PPARGC1A: variants seen among roughly 807,000 people sequenced by gnomAD.
PPARGC1A encodes peroxisome proliferator-activated receptor gamma coactivator 1-alpha.
A neutral mutation model predicts 88.7 loss-of-function variants in PPARGC1A; 25 were observed. The observed-to-expected ratio is 0.28, with a 90% CI of 0.21 to 0.39. The LOEUF (loss-of-function observed/expected upper bound fraction) is 0.39, where lower values mean the gene tolerates loss of function less well. PPARGC1A is among the 10% of genes least tolerant of loss of function. The pLI is 1.00. For missense variants in PPARGC1A, 880 were observed against 968.7 expected, an observed-to-expected ratio of 0.91 and a Z score of 1.22; for synonymous variants, 363 against 355.6, an observed-to-expected ratio of 1.02 and a Z score of -0.24.
At chr4:24,322,712 T>C in the PPARGC1A span, among the ~76,000 whole-genome samples, 1 of 152,186 alleles carries the variant, frequency 6.6e-6, no homozygotes, top group Admixed American at 6.5e-5. Context: ...GGTGGGAGTG[T>C]TTCTACCTCA....
the PPARGC1A span, among the ~76,000 whole-genome samples, chr4:24,222,825 C>A: frequency 6.6e-6 from 1 of 152,144 alleles, no homozygotes; most frequent in Non-Finnish European, 1.5e-5. Flanking sequence ...ACTACTTTGT[C>A]AATAATAACA....
chr4:24,154,360 T>C, the PPARGC1A span, among the ~76,000 whole-genome samples: 1 of 152,154 alleles, frequency 6.6e-6, no homozygotes. Context: ...AAGCACATGC[T>C]CAAAACATGT....
At chr4:24,063,615 G>A in the PPARGC1A span, among the ~76,000 whole-genome samples, 2 of 152,166 alleles carry the variant, frequency 1.3e-5, no homozygotes, top group Non-Finnish European at 2.9e-5. Context: ...CGGGGTGAAG[G>A]ATGCAGCAGA....
chr4:23,918,210 TTTAAA>T, the PPARGC1A span, among the ~76,000 whole-genome samples: 2 of 149,508 alleles, frequency 1.3e-5, no homozygotes, highest in African/African-American at 5.0e-5. Context: ...ACAAAAATAA[TTTAAA>T]TTCTTTTTTT....
intron 12 of PPARGC1A, among the ~76,000 whole-genome samples, chr4:23,797,142 AG>A (rs1214973622): frequency 6.6e-6 from 1 of 152,028 alleles, no homozygotes; most frequent in Non-Finnish European, 1.5e-5. Context: ...TTTTTCAGCA[AG>A]TTTTTTAAGG....
At chr4:24,042,752 T>C in the PPARGC1A span, among the ~76,000 whole-genome samples, 3 of 152,218 alleles carry the variant, frequency 2.0e-5, no homozygotes, top group African/African-American at 7.2e-5. Flanking sequence ...TGATATAGTG[T>C]ATATAAATGC....
the PPARGC1A span, among the ~76,000 whole-genome samples, chr4:24,309,642 C>T: frequency 2.5e-3 from 377 of 152,278 alleles, 2 homozygotes; most frequent in African/African-American, 8.7e-3. Flanking sequence ...AGTGCAGTGG[C>T]ATGATCATAG....
chr4:23,797,108 A>G (rs1717746018), intron 12 of PPARGC1A, among the ~76,000 whole-genome samples: 1 of 152,076 alleles, frequency 6.6e-6, no homozygotes, highest in Non-Finnish European at 1.5e-5. Context: ...TTTCATTCTG[A>G]TCACCTTTGG....
the PPARGC1A span, among the ~76,000 whole-genome samples, chr4:24,161,067 C>T: frequency 6.6e-6 from 1 of 152,162 alleles, no homozygotes; most frequent in African/African-American, 2.4e-5. Flanking sequence ...GGCAAAAGGC[C>T]AGAGCTACCC....
the PPARGC1A span, among the ~76,000 whole-genome samples, chr4:24,050,910 G>A: frequency 3.9e-5 from 6 of 151,980 alleles, no homozygotes; most frequent in Admixed American, 2.0e-4. Flanking sequence ...GGTCTGGGCC[G>A]GGCGCAGTGG....
chr4:24,123,703 G>A, the PPARGC1A span, among the ~76,000 whole-genome samples: 4 of 152,114 alleles, frequency 2.6e-5, no homozygotes, highest in South Asian at 8.3e-4. Flanking sequence ...TTTTTAGCCT[G>A]TGAAAGATTT....
At chr4:23,973,352 GCT>G in the PPARGC1A span, among the ~76,000 whole-genome samples, 1 of 152,110 alleles carries the variant, frequency 6.6e-6, no homozygotes, top group Non-Finnish European at 1.5e-5. Context: ...CTTTGATTGT[GCT>G]GGTTAAAAAG....
chr4:24,105,425 C>A, the PPARGC1A span, among the ~76,000 whole-genome samples: 1 of 152,042 alleles, frequency 6.6e-6, no homozygotes, highest in African/African-American at 2.4e-5. Flanking sequence ...GATAAAAGGG[C>A]CTGAGGACGT....
At chr4:23,856,418 C>CAG (rs1276764314) in intron 2 of PPARGC1A, among the ~76,000 whole-genome samples, 1 of 152,192 alleles carries the variant, frequency 6.6e-6, no homozygotes, top group Non-Finnish European at 1.5e-5. Context: ...TCAGCCCCAT[C>CAG]AGAGAGAGGC....
the PPARGC1A span, among the ~76,000 whole-genome samples, chr4:24,383,969 C>T: frequency 3.3e-5 from 5 of 152,074 alleles, no homozygotes; most frequent in Non-Finnish European, 5.9e-5. Context: ...TTAAGGGCAG[C>T]CAGAGGAAAA....
At chr4:24,153,507 G>A in the PPARGC1A span, among the ~76,000 whole-genome samples, 1 of 152,142 alleles carries the variant, frequency 6.6e-6, no homozygotes, top group East Asian at 1.9e-4. Context: ...GCAGACATGT[G>A]TACACTGGGC....
At chr4:24,203,620 A>G in the PPARGC1A span, among the ~76,000 whole-genome samples, 1 of 152,276 alleles carries the variant, frequency 6.6e-6, no homozygotes, top group Admixed American at 6.5e-5. Context: ...TTATGAGTTC[A>G]TCTTTCAAAT....
the PPARGC1A span, among the ~76,000 whole-genome samples, chr4:24,008,536 A>G: frequency 6.6e-6 from 1 of 152,178 alleles, no homozygotes; most frequent in African/African-American, 2.4e-5. Flanking sequence ...ACTTCAATCC[A>G]TGGTTTATTA....
At chr4:24,021,210 C>G in the PPARGC1A span, among the ~76,000 whole-genome samples, 1 of 152,150 alleles carries the variant, frequency 6.6e-6, no homozygotes, top group Non-Finnish European at 1.5e-5. Flanking sequence ...GCAGCTGCCT[C>G]CAGGGGACTA....
Sources: gnomAD v4.1 joint callset for allele counts (sites outside exome capture counted in the v4.1 genomes callset) on GRCh38, gnomAD v4.1.1 for gene constraint, MANE v1.5 for transcripts, NCBI Gene and HGNC (gene_info 2026-07-23, HGNC 2026-07-21) for gene names.